The following ZDHHC15 variants were observed in gnomAD, a reference collection of about 807,000 sequenced individuals.
The protein encoded by ZDHHC15 is zDHHC palmitoyltransferase 15.
ZDHHC15 carries 19 observed loss-of-function variants against 31.7 expected under a neutral mutation model. The ratio of observed to expected loss-of-function variants is 0.60; its 90% CI spans 0.42 to 0.88. ZDHHC15 has a LOEUF of 0.88. ZDHHC15 is among the 40% of genes least tolerant of loss of function. The pLI, the probability that ZDHHC15 is intolerant of heterozygous loss-of-function variation, is 0.00. For synonymous variants in ZDHHC15, 103 were observed against 90.0 expected (o/e 1.14, Z -0.82); for missense variants, 209 against 251.2 (o/e 0.83, Z 1.14).
chrX:75,520,786 A>T lies in ZDHHC15; in HGVS notation c.136+2103T>A, dbSNP rs758307769. 8.1e-5 allele frequency among the ~76,000 whole-genome samples: 9 copies of T among 111,776 alleles called. No individual in the cohort carries two copies. The East Asian group carries it at 2.5e-3, about 31-fold the overall frequency. ...TAGGCTAACTTGTATCTATGAAGGCAACTAATGACATTTATTTTAAGAGCT... is the reference window on the plus strand; with the variant it reads ...TAGGCTAACTTGTATCTATGAAGGCTACTAATGACATTTATTTTAAGAGCT... On this transcript the variant is annotated intron_variant, in intron 1 of 11. Coordinates refer to ENST00000373367, the MANE Select transcript of ZDHHC15 (RefSeq NM_144969.3).
chrX:75,386,270 TA>T (rs1285839774), intron 10 of ZDHHC15, among the ~76,000 whole-genome samples: 1 of 111,842 alleles, frequency 8.9e-6, no homozygotes, highest in African/African-American at 3.3e-5. Flanking sequence ...GGAAGGAGAT[TA>T]ATTCCCCCCA....
At chrX:75,507,348 G>C (rs1379959369) in intron 1 of ZDHHC15, among the ~76,000 whole-genome samples, 1 of 109,802 alleles carries the variant, frequency 9.1e-6, no homozygotes. Context: ...TAGGAAGTAA[G>C]TCCAAGGGAA....
intron 3 of ZDHHC15, among the ~76,000 whole-genome samples, chrX:75,458,342 T>C (rs1224599700): frequency 2.7e-5 from 3 of 111,627 alleles, no homozygotes; most frequent in Non-Finnish European, 5.6e-5. Context: ...CATGAAGATT[T>C]ATGAGATACT....
chrX:75,417,033 C>T, intron 10 of ZDHHC15, 54 bp downstream of exon 10: 1 of 983,539 alleles, frequency 1.0e-6, no homozygotes, highest in Middle Eastern at 2.6e-4. Flanking sequence ...TATTTACTCA[C>T]CACATTACAT....
intron 10 of ZDHHC15, chrX:75,384,438 G>A (rs1460737713): frequency 6.5e-6 from 6 of 922,889 alleles, no homozygotes; most frequent in Non-Finnish European, 9.3e-6. Context: ...CCACGTATAT[G>A]CAAATCTATA....
At chrX:75,433,929 T>C (rs1474055092) in intron 4 of ZDHHC15, among the ~76,000 whole-genome samples, 6 of 111,158 alleles carry the variant, frequency 5.4e-5, no homozygotes, top group Admixed American at 1.9e-4. Context: ...CTGTTTTCCA[T>C]AGTGGTTGTA....
At chrX:75,446,698 C>G (rs1229443977) in intron 4 of ZDHHC15, among the ~76,000 whole-genome samples, 2 of 111,293 alleles carry the variant, frequency 1.8e-5, no homozygotes, top group Non-Finnish European at 3.8e-5. Context: ...AAGGTACCAA[C>G]AGCTTTAGTG....
At chrX:75,437,161 C>G (rs745657821) in intron 4 of ZDHHC15, among the ~76,000 whole-genome samples, 89 of 111,379 alleles carry the variant, frequency 8.0e-4, no homozygotes, top group African/African-American at 2.8e-3. Context: ...GATTACAGGC[C>G]TGAGCCACCG....
intron 10 of ZDHHC15, among the ~76,000 whole-genome samples, chrX:75,414,266 G>T (rs956387937): frequency 2.7e-5 from 3 of 110,627 alleles, no homozygotes; most frequent in African/African-American, 9.9e-5. Context: ...TGACATCAGA[G>T]AAGCCTATTT....
intron 2 of ZDHHC15, among the ~76,000 whole-genome samples, chrX:75,480,855 C>G (rs745889966): frequency 9.0e-6 from 1 of 111,719 alleles, no homozygotes; most frequent in South Asian, 3.8e-4. Context: ...GATCAATTCT[C>G]TGAAGTGGAA....
chrX:75,490,512 T>C (rs2084865742), intron 2 of ZDHHC15, among the ~76,000 whole-genome samples: 1 of 111,713 alleles, frequency 9.0e-6, no homozygotes, highest in Admixed American at 9.5e-5. Context: ...AAGTAGTTTT[T>C]TCCAATTCTG....
intron 2 of ZDHHC15, 30 bp downstream of exon 2, chrX:75,505,791 T>C: frequency 8.3e-7 from 1 of 1,207,758 alleles, no homozygotes; most frequent in Non-Finnish European, 1.1e-6. Flanking sequence ...GACACGGTCC[T>C]GATCAATACA....
chrX:75,507,003 C>G (rs1243888287), intron 1 of ZDHHC15, among the ~76,000 whole-genome samples: 1 of 110,890 alleles, frequency 9.0e-6, no homozygotes. Flanking sequence ...GATAGTGAGA[C>G]GAGACGTGTA....
At chrX:75,389,473 G>T (rs2083217398) in intron 10 of ZDHHC15, among the ~76,000 whole-genome samples, 2 of 108,805 alleles carry the variant, frequency 1.8e-5, no homozygotes, top group African/African-American at 6.7e-5. Flanking sequence ...TGAGGAGGGA[G>T]AAGGGAGAAT....
intron 1 of ZDHHC15, among the ~76,000 whole-genome samples, chrX:75,518,608 C>T (rs1041349013): frequency 9.4e-6 from 1 of 106,511 alleles, no homozygotes; most frequent in South Asian, 4.3e-4. Context: ...AATTACCATA[C>T]AGTCCAATTA....
chrX:75,438,701 AGTT>A lies in ZDHHC15; in HGVS notation c.380-7184_380-7182del, dbSNP rs1263978421. Among the ~76,000 whole-genome samples, 7 of 111,400 alleles carry A rather than the reference AGTT, an allele frequency of 6.3e-5. No homozygotes were observed. The East Asian group carries it at 2.0e-3, about 31-fold the overall frequency. On this transcript the variant is annotated intron_variant, in intron 4 of 11. Transcript: ENST00000373367. ...GAGGTATCATTCTATTCATCATGCTAGTTGTTGCATCAATGCCTTTTTTACATT... is the reference window on the plus strand; with the variant it reads ...GAGGTATCATTCTATTCATCATGCTAGTTGCATCAATGCCTTTTTTACATT...
intron 10 of ZDHHC15, among the ~76,000 whole-genome samples, chrX:75,399,880 C>G (rs1291603347): frequency 3.6e-5 from 4 of 111,578 alleles, no homozygotes; most frequent in African/African-American, 9.8e-5. Context: ...ACTAAAATAA[C>G]CCCCTCTGAT....
intron 10 of ZDHHC15, among the ~76,000 whole-genome samples, chrX:75,402,827 C>T (rs1048145100): frequency 9.0e-6 from 1 of 110,823 alleles, no homozygotes; most frequent in African/African-American, 3.3e-5. Context: ...ACCATTCCTA[C>T]CGAGACTATT....
Position 75,392,915 on chromosome X carries a change from A to G in ZDHHC15, c.968-13717T>C, listed in dbSNP as rs144869827. 9.3e-3 allele frequency among the ~76,000 whole-genome samples: 1,018 copies of G among 109,020 alleles called. 15 individuals carry two copies. Among genetic ancestry groups the G allele is most frequent in the African/African-American group, 0.033 (976 of 29,968 alleles). 94.7% of individuals were successfully genotyped at this position (109,020 alleles called of 115,157 possible). On this transcript the variant is annotated intron_variant, in intron 10 of 11. Coordinates refer to ENST00000373367, the MANE Select transcript of ZDHHC15 (RefSeq NM_144969.3). ...TTCTGTATTCCCTTTGCCTTCAGGA[A>G]GCACTTCAGCAGGTCATGGTTTTTT...
Sources: allele counts gnomAD v4.1 joint callset (sites outside exome capture counted in the v4.1 genomes callset), GRCh38; gene constraint gnomAD v4.1.1; transcripts MANE v1.5; gene names NCBI Gene and HGNC (gene_info 2026-07-23, HGNC 2026-07-21).